Variants in CAMTA1 observed in about 807,000 individuals in gnomAD.
The protein encoded by CAMTA1 is calmodulin binding transcription activator 1.
A neutral mutation model predicts 170.9 loss-of-function variants in CAMTA1; 27 were observed. The observed-to-expected ratio is 0.16, with a 90% CI of 0.12 to 0.22. The LOEUF is 0.22. Ranked by LOEUF, CAMTA1 falls within the 10% of genes least tolerant of loss-of-function variation. The pLI is 1.00. For synonymous variants in CAMTA1, 833 were observed against 891.5 expected, an observed-to-expected ratio of 0.93 and a Z score of 1.17; for missense variants, 1,619 against 2,217.2, an observed-to-expected ratio of 0.73 and a Z score of 5.42.
chr1:7,171,852 G>T (rs1649678069), intron 4 of CAMTA1, among the ~76,000 whole-genome samples: 2 of 152,106 alleles, frequency 1.3e-5, no homozygotes, highest in African/African-American at 2.4e-5. Context: ...TCATAGAAAT[G>T]GAATCATATA....
At chr1:7,271,248 A>G (rs900550709) in intron 5 of CAMTA1, among the ~76,000 whole-genome samples, 2 of 152,208 alleles carry the variant, frequency 1.3e-5, no homozygotes, top group African/African-American at 4.8e-5. Flanking sequence ...AGGAAAGGCC[A>G]TGTGAGGATG....
intron 4 of CAMTA1, among the ~76,000 whole-genome samples, chr1:7,197,433 C>T (rs1171671812): frequency 2.0e-5 from 3 of 151,940 alleles, no homozygotes; most frequent in Non-Finnish European, 4.4e-5. Context: ...ACACAGGGTT[C>T]GGGAGACATC....
In CAMTA1 at chr1:7,674,954, G is replaced by T. The variant is rs557054820; in HGVS notation, c.2780-2645G>T. Among the ~76,000 whole-genome samples, 54 of 152,340 alleles carry T rather than the reference G, an allele frequency of 3.5e-4. No individual in the cohort carries two copies. The Middle Eastern group carries it at 0.01, about 29-fold the overall frequency. ...AGCTCTCATGAGCTAATGTTCTACT[G>T]CAGGGAGACAGAAAACAAACAAGGA... On this transcript the variant is annotated intron_variant, in intron 10 of 22. Coordinates refer to ENST00000303635, the MANE Select transcript of CAMTA1 (RefSeq NM_015215.4). This position sits in a 1 kb window ranked among gnomAD's most constrained non-coding sequence, Gnocchi z 4.1.
At position 7,173,420 on chromosome 1, in the gene CAMTA1, T is replaced by C. The variant is rs949046725; in HGVS notation, c.303-76071T>C. Among the ~76,000 whole-genome samples the C allele has an allele frequency of 2.6e-5, 4 of 152,062 alleles. No individual in the cohort carries two copies. Among genetic ancestry groups the C allele is most frequent in the African/African-American group, 9.7e-5 (4 of 41,394 alleles). On this transcript the variant is annotated intron_variant, in intron 4 of 22. Transcript: ENST00000303635. This position sits in a 1 kb window ranked among gnomAD's most constrained non-coding sequence, Gnocchi z 5.4. ...TTTTTTTTTTAAGACTGATTTTCAC[T>C]CTAGTCATCCAGGCTGGAGTATAAC...
intron 8 of CAMTA1, among the ~76,000 whole-genome samples, chr1:7,662,188 G>C (rs968087794): frequency 5.3e-5 from 8 of 152,220 alleles, no homozygotes; most frequent in African/African-American, 1.9e-4. Context: ...CTCTGTTCAG[G>C]CCCACACTCT....
chr1:7,547,684 T>C lies in CAMTA1; in HGVS notation c.510+79783T>C, dbSNP rs938555454. ...AAATTCATAAACTTTCCTAAAACAT[T>C]ATGAGACTTTTTTGCAATTTTTTTT... On this transcript the variant is annotated intron_variant, in intron 6 of 22. Coordinates refer to ENST00000303635, the MANE Select transcript of CAMTA1 (RefSeq NM_015215.4). This position sits in a 1 kb window ranked among gnomAD's most constrained non-coding sequence, Gnocchi z 5.7. Among the ~76,000 whole-genome samples the C allele has an allele frequency of 7.1e-6, 1 of 139,900 alleles. No individual in the cohort carries two copies. The highest frequency in any genetic ancestry group is 3.0e-5 in the African/African-American group (1 of 33,770). 91.8% of individuals were successfully genotyped at this position (139,900 alleles called of 152,430 possible). A position where few individuals can be genotyped will look rare whatever the true frequency, so the allele number is the denominator to read the frequency against.
chr1:7,758,850 G>A (rs1228684418), intron 22 of CAMTA1, among the ~76,000 whole-genome samples: 1 of 151,168 alleles, frequency 6.6e-6, no homozygotes, highest in East Asian at 2.0e-4. Flanking sequence ...CAGGAGAATG[G>A]TGTGAATCCG....
intron 11 of CAMTA1, among the ~76,000 whole-genome samples, chr1:7,708,330 C>CAACAA (rs922408624): frequency 2.0e-5 from 3 of 150,998 alleles, no homozygotes; most frequent in Admixed American, 2.0e-4. Context: ...GACCCCATCT[C>CAACAA]AACAAAACAA....
intron 4 of CAMTA1, among the ~76,000 whole-genome samples, chr1:7,136,524 T>G (rs913733851): frequency 6.6e-6 from 1 of 151,878 alleles, no homozygotes; most frequent in Non-Finnish European, 1.5e-5. Context: ...ATTCCCTATC[T>G]TGAAAAAAAA....
chr1:7,622,904 G>T (rs538675103), intron 6 of CAMTA1, among the ~76,000 whole-genome samples: 1 of 152,316 alleles, frequency 6.6e-6, no homozygotes, highest in South Asian at 2.1e-4. Flanking sequence ...CTTGTTTCAC[G>T]GCTGTTTTCC....
chr1:6,887,586 A>C lies in CAMTA1; in HGVS notation c.234+62376A>C. 1 of 1,521,668 alleles carries C rather than the reference A, an allele frequency of 6.6e-7. No homozygotes were observed. Among genetic ancestry groups the C allele is most frequent in the South Asian group, 1.2e-5 (1 of 82,352 alleles). 94.3% of individuals were successfully genotyped at this position (1,521,668 alleles called of 1,614,324 possible). Reference sequence around the variant, plus strand: ...CTCTCTGCCTCTGGAAATGGGGCAAATTTTTCTTCAGTTAAAAACAGAAAT... The same window carrying C: ...CTCTCTGCCTCTGGAAATGGGGCAACTTTTTCTTCAGTTAAAAACAGAAAT... On this transcript the variant is annotated intron_variant, in intron 3 of 22. Coordinates refer to ENST00000303635, the MANE Select transcript of CAMTA1 (RefSeq NM_015215.4). This position sits in a 1 kb window ranked among gnomAD's most constrained non-coding sequence, Gnocchi z 4.1.
intron 3 of CAMTA1, among the ~76,000 whole-genome samples, chr1:6,982,733 C>A (rs1365038495): frequency 1.3e-5 from 2 of 152,134 alleles, no homozygotes; most frequent in Non-Finnish European, 2.9e-5. Context: ...CTCCTGGCTG[C>A]CTCCCCCTTC....
At chr1:6,921,114 A>G (rs918799197) in intron 3 of CAMTA1, among the ~76,000 whole-genome samples, 18 of 152,210 alleles carry the variant, frequency 1.2e-4, no homozygotes, top group African/African-American at 4.3e-4. Context: ...TCCCTTTTGA[A>G]ACTGAATGCC....
intron 3 of CAMTA1, among the ~76,000 whole-genome samples, chr1:7,012,387 C>T (rs1699927828): frequency 1.3e-5 from 2 of 152,138 alleles, no homozygotes; most frequent in Admixed American, 1.3e-4. Flanking sequence ...TGGCTCTGTC[C>T]ACTGCTGCTC....
chr1:7,292,269 T>A (rs1673250620), intron 5 of CAMTA1, among the ~76,000 whole-genome samples: 1 of 152,150 alleles, frequency 6.6e-6, no homozygotes, highest in Non-Finnish European at 1.5e-5. Context: ...GGATCAATTA[T>A]GAACTACTCT....
intron 5 of CAMTA1, among the ~76,000 whole-genome samples, chr1:7,370,850 A>G (rs1209285581): frequency 3.4e-5 from 5 of 145,594 alleles, no homozygotes; most frequent in African/African-American, 1.3e-4. Context: ...ACCAAACATG[A>G]TTTTTCAGAG....
intron 6 of CAMTA1, among the ~76,000 whole-genome samples, chr1:7,613,560 C>G (rs1277920206): frequency 6.6e-6 from 1 of 152,108 alleles, no homozygotes; most frequent in Non-Finnish European, 1.5e-5. Context: ...ATGGCATGGT[C>G]CTTGCCCACA....
At chr1:7,265,001 C>T (rs1668691561) in intron 5 of CAMTA1, among the ~76,000 whole-genome samples, 1 of 152,226 alleles carries the variant, frequency 6.6e-6, no homozygotes. Flanking sequence ...CCTTGGCTGA[C>T]ACCAGGGCCT....
At chr1:7,750,631 A>T (rs563992579) in intron 19 of CAMTA1, among the ~76,000 whole-genome samples, 2 of 152,328 alleles carry the variant, frequency 1.3e-5, no homozygotes, top group Non-Finnish European at 2.9e-5. Context: ...CGGCTTCACC[A>T]CCGTGTTGGT....
Sources: gnomAD v4.1 joint callset for allele counts (sites outside exome capture counted in the v4.1 genomes callset) on GRCh38, gnomAD v4.1.1 for gene constraint, Gnocchi (gnomAD v3.1) non-coding constraint, MANE v1.5 for transcripts, NCBI Gene and HGNC (gene_info 2026-07-23, HGNC 2026-07-21) for gene names.